AP3B1: variants seen among roughly 807,000 people sequenced by gnomAD.
AP3B1 encodes AP-3 complex subunit beta-1.
AP3B1 carries 61 observed loss-of-function variants against 132.5 expected under a neutral mutation model. The observed-to-expected ratio is 0.46, with a 90% confidence interval of 0.37 to 0.57. The LOEUF (loss-of-function observed/expected upper bound fraction) is 0.57. Among genes scored for constraint, AP3B1 ranks in the 20% least tolerant of loss-of-function variants. The pLI is 0.00. For missense variants in AP3B1, 1,120 were observed against 1,289.4 expected (o/e 0.87, Z 2.01); for synonymous variants, 388 against 438.3 (o/e 0.89, Z 1.43).
At chr5:78,133,890 T>C (rs1307651764) in intron 15 of AP3B1, among the ~76,000 whole-genome samples, 1 of 152,148 alleles carries the variant, frequency 6.6e-6, no homozygotes, top group African/African-American at 2.4e-5. Flanking sequence ...TTCTTCAGAT[T>C]GACTCTAAGT....
chr5:78,183,517 G>T (rs535451433), intron 7 of AP3B1, among the ~76,000 whole-genome samples: 1 of 152,106 alleles, frequency 6.6e-6, no homozygotes, highest in African/African-American at 2.4e-5. Flanking sequence ...AAAATGCTTC[G>T]ATGAGCAATT....
intron 11 of AP3B1, among the ~76,000 whole-genome samples, chr5:78,168,916 GT>G (rs1186369644): frequency 6.6e-6 from 1 of 151,810 alleles, no homozygotes; most frequent in Non-Finnish European, 1.5e-5. Context: ...TATAAACCAG[GT>G]TTTTTTGATA....
At chr5:78,168,777 A>C (rs570104460) in intron 11 of AP3B1, among the ~76,000 whole-genome samples, 2 of 152,204 alleles carry the variant, frequency 1.3e-5, no homozygotes, top group Non-Finnish European at 2.9e-5. Flanking sequence ...AAGTTTCAAT[A>C]ACTGTCTCAA....
intron 1 of AP3B1, among the ~76,000 whole-genome samples, chr5:78,285,181 G>A (rs185720018): frequency 4.9e-4 from 75 of 151,832 alleles, no homozygotes; most frequent in African/African-American, 1.6e-3. Context: ...CCCGGGAGGC[G>A]GAGCTTGCAG....
At position 78,245,938 on chromosome 5, in the gene AP3B1, G is replaced by C. The variant is rs150111269; in HGVS notation, c.205-5002C>G. On this transcript the variant is annotated intron_variant, in intron 2 of 26. Transcript: ENST00000255194. ...AGGTGACTCTCTAGATAAAAGGTGAGAAAGGAAGACAAGTTTTCAGGTAAA... is the reference window on the plus strand; with the variant it reads ...AGGTGACTCTCTAGATAAAAGGTGACAAAGGAAGACAAGTTTTCAGGTAAA... Among the ~76,000 whole-genome samples, 359 of 152,312 alleles carry C rather than the reference G, an allele frequency of 2.4e-3. 1 individual carries two copies. The highest frequency in any genetic ancestry group is 4.1e-3 in the Non-Finnish European group (280 of 68,034).
intron 12 of AP3B1, among the ~76,000 whole-genome samples, chr5:78,163,744 T>A (rs2112373368): frequency 6.6e-6 from 1 of 151,594 alleles, no homozygotes; most frequent in African/African-American, 2.4e-5. Context: ...AATATCTTTA[T>A]AAATTTTATA....
Position 78,165,611 on chromosome 5 carries a change from T to C in AP3B1, c.1229A>G (p.Gln410Arg). The C allele has an allele frequency of 6.2e-7, 1 of 1,605,358 alleles. No individual in the cohort carries two copies. Among genetic ancestry groups the C allele is most frequent in the Non-Finnish European group, 8.5e-7 (1 of 1,173,306 alleles). Residue 410 changes from glutamine (Q) to arginine (R), a missense_variant and splice_region_variant, in exon 12 of 27, where the codon CAG (glutamine) becomes CGG (arginine). Gln to Arg is a conservative substitution (Grantham distance 43). Coordinates refer to ENST00000255194, the MANE Select transcript of AP3B1 (RefSeq NM_003664.5). ...TTATAATTAGCACTGTACACAAACCTGAAATTCTCGAAGAAGAGTTGATAT... is the reference window on the plus strand; with the variant it reads ...TTATAATTAGCACTGTACACAAACCCGAAATTCTCGAAGAAGAGTTGATAT... ...ANISTLLREF[Q>R]TYVKSQDKQF...
intron 22 of AP3B1, among the ~76,000 whole-genome samples, chr5:78,082,509 GTGTT>G (rs578251659): frequency 9.9e-5 from 15 of 152,158 alleles, no homozygotes; most frequent in Admixed American, 2.6e-4. Flanking sequence ...AACAAAAAAA[GTGTT>G]TGGGAAAAGT....
At chr5:78,081,746 C>T (rs1014465928) in intron 22 of AP3B1, among the ~76,000 whole-genome samples, 1 of 152,172 alleles carries the variant, frequency 6.6e-6, no homozygotes, top group African/African-American at 2.4e-5. Flanking sequence ...ATATAACTAT[C>T]TGTAGTTTTT....
At chr5:78,153,526 G>T (rs1249260724) in intron 14 of AP3B1, among the ~76,000 whole-genome samples, 1 of 151,640 alleles carries the variant, frequency 6.6e-6, no homozygotes, top group African/African-American at 2.4e-5. Flanking sequence ...TCTTTTGATT[G>T]GAGAGTTTAG....
chr5:78,119,841 G>A (rs193015493), intron 17 of AP3B1, among the ~76,000 whole-genome samples: 62 of 152,202 alleles, frequency 4.1e-4, no homozygotes, highest in African/African-American at 1.3e-3. Context: ...TACAGAGAAC[G>A]CCACAAAGAT....
Position 78,192,421 on chromosome 5 carries a change from C to T in AP3B1, c.787-10759G>A, listed in dbSNP as rs1040225013. The stretch of plus-strand genomic sequence containing the variant: ...ACTTTGGGAGCCAAGGCGAGTGGAT[C>T]ACCCGAGGTCAGGAGTTCGAGACAA... On this transcript the variant is annotated intron_variant, in intron 7 of 26. Transcript: ENST00000255194. 7.2e-5 allele frequency among the ~76,000 whole-genome samples: 11 copies of T among 151,744 alleles called. 1 individual carries two copies. The highest frequency in any genetic ancestry group is 1.2e-4 in the African/African-American group (5 of 41,350).
chr5:78,221,321 A>G (rs1323350592), intron 6 of AP3B1, among the ~76,000 whole-genome samples: 1 of 152,218 alleles, frequency 6.6e-6, no homozygotes, highest in African/African-American at 2.4e-5. Context: ...GAAAATCAAA[A>G]CAATTCAACT....
intron 20 of AP3B1, among the ~76,000 whole-genome samples, chr5:78,106,115 A>G (rs1751322241): frequency 6.6e-6 from 1 of 152,208 alleles, no homozygotes; most frequent in Non-Finnish European, 1.5e-5. Flanking sequence ...AGAAATAGGA[A>G]AGAATACAGA....
At chr5:78,244,793 G>C (rs1488978270) in intron 2 of AP3B1, among the ~76,000 whole-genome samples, 1 of 152,062 alleles carries the variant, frequency 6.6e-6, no homozygotes, top group Non-Finnish European at 1.5e-5. Flanking sequence ...TCTGGAGATC[G>C]AGACCATCCT....
intron 25 of AP3B1, among the ~76,000 whole-genome samples, chr5:78,017,761 C>G: frequency 6.6e-6 from 1 of 151,958 alleles, no homozygotes; most frequent in Non-Finnish European, 1.5e-5. Flanking sequence ...CTTTAAAACA[C>G]TGTAGAGCCT....
chr5:78,231,028 G>C (rs1746627268), intron 3 of AP3B1, among the ~76,000 whole-genome samples: 1 of 151,958 alleles, frequency 6.6e-6, no homozygotes, highest in South Asian at 2.1e-4. Context: ...GCTGAGGCAA[G>C]AGAATTGCTG....
chr5:78,121,719 A>G (rs1752209306), intron 17 of AP3B1: 1 of 152,264 alleles, frequency 6.6e-6, no homozygotes, highest in Non-Finnish European at 1.5e-5. Flanking sequence ...TACCAACCAA[A>G]AAAAGTCCAG....
chr5:78,043,743 G>A, intron 22 of AP3B1: 1 of 403,030 alleles, frequency 2.5e-6, no homozygotes, highest in Non-Finnish European at 4.9e-6. Context: ...CCACAAGGTA[G>A]GCAGAAAAAA....
Sources: gnomAD v4.1 joint callset for allele counts (sites outside exome capture counted in the v4.1 genomes callset) on GRCh38, gnomAD v4.1.1 for gene constraint, MANE v1.5 for transcripts, NCBI Gene and HGNC (gene_info 2026-07-23, HGNC 2026-07-21) for gene names.